Variants in RABGAP1L observed in about 807,000 individuals in gnomAD.
RABGAP1L encodes RAB GTPase activating protein 1 like.
In RABGAP1L, 63 loss-of-function variants were observed where a neutral mutation model predicts 137.7. The observed-to-expected ratio is 0.46, with a 90% CI of 0.37 to 0.56. The LOEUF is 0.56. Among genes scored for constraint, RABGAP1L ranks in the 20% least tolerant of loss-of-function variants. The pLI, the probability that RABGAP1L is intolerant of heterozygous loss-of-function variation, is 0.00. For synonymous variants in RABGAP1L, 431 were observed against 433.7 expected (o/e 0.99, Z 0.08); for missense variants, 1,095 against 1,244.0 (o/e 0.88, Z 1.80).
chr1:174,448,593 G>C lies in RABGAP1L; in HGVS notation c.1710+54448G>C, dbSNP rs1193748709. ...GTCACCCCTTGTCGCTTGAGAATTT[G>C]CATTATTTTGATCTGGATCTACTCC... On this transcript the variant is annotated intron_variant, in intron 13 of 25. Coordinates refer to ENST00000681986, the MANE Select transcript of RABGAP1L (RefSeq NM_001366446.1). The surrounding 1 kb of genome is among the most constrained non-coding windows in gnomAD (Gnocchi z 4.2). The C allele has an allele frequency of 6.2e-7, 1 of 1,613,908 alleles. No homozygotes were observed. The highest frequency in any genetic ancestry group is 8.5e-7 in the Non-Finnish European group (1 of 1,179,860).
intron 15 of RABGAP1L, among the ~76,000 whole-genome samples, chr1:174,692,518 T>TA (rs1489100108): frequency 6.6e-6 from 1 of 152,090 alleles, no homozygotes; most frequent in Non-Finnish European, 1.5e-5. Context: ...GTCTGAGTCA[T>TA]AAAAAGCATG....
At position 174,390,577 on chromosome 1, in the gene RABGAP1L, A is replaced by G. The variant is rs536513288; in HGVS notation, c.1560-3418A>G. On this transcript the variant is annotated intron_variant, in intron 12 of 25. Coordinates refer to ENST00000681986, the MANE Select transcript of RABGAP1L (RefSeq NM_001366446.1). ...TTTAATCAAGCTGCTTGTTACTTTC[A>G]TTCTGCCTACAATGTTGGAAATATG... Among the ~76,000 whole-genome samples, 3 of 152,314 alleles carry G rather than the reference A, an allele frequency of 2.0e-5. 1 individual carries two copies. The highest frequency in any genetic ancestry group is 7.2e-5 in the African/African-American group (3 of 41,568).
chr1:174,613,613 G>A (rs1671487709), intron 13 of RABGAP1L, among the ~76,000 whole-genome samples: 1 of 152,138 alleles, frequency 6.6e-6, no homozygotes, highest in Non-Finnish European at 1.5e-5. Context: ...GGATATCCTT[G>A]TTAACTTTCT....
chr1:174,471,251 A>G (rs533508463), intron 13 of RABGAP1L, among the ~76,000 whole-genome samples: 91 of 152,310 alleles, frequency 6.0e-4, no homozygotes, highest in Non-Finnish European at 1.1e-3. Flanking sequence ...CATTGGTGGT[A>G]TATTAGTTGT....
intron 13 of RABGAP1L, among the ~76,000 whole-genome samples, chr1:174,569,246 C>G (rs1006882146): frequency 6.6e-5 from 10 of 152,148 alleles, no homozygotes; most frequent in Non-Finnish European, 1.3e-4. Flanking sequence ...GCACCCCACC[C>G]AGCCCTCAAA....
At chr1:174,327,353 T>C (rs1320490517) in intron 11 of RABGAP1L, among the ~76,000 whole-genome samples, 4 of 152,024 alleles carry the variant, frequency 2.6e-5, no homozygotes, top group African/African-American at 9.7e-5. Context: ...TATAAAAAGA[T>C]GTAAATTATG....
intron 13 of RABGAP1L, among the ~76,000 whole-genome samples, chr1:174,614,188 G>T (rs1465877047): frequency 6.6e-6 from 1 of 150,636 alleles, no homozygotes; most frequent in Non-Finnish European, 1.5e-5. Flanking sequence ...TTTTGCAGTG[G>T]CTGGTACCGG....
chr1:174,354,013 G>C (rs1322721336), intron 11 of RABGAP1L, among the ~76,000 whole-genome samples: 1 of 152,146 alleles, frequency 6.6e-6, no homozygotes, highest in Admixed American at 6.5e-5. Flanking sequence ...TTGACTATCT[G>C]ATTTCATGTT....
chr1:174,980,240 C>T, intron 23 of RABGAP1L, among the ~76,000 whole-genome samples: 1 of 152,048 alleles, frequency 6.6e-6, no homozygotes, highest in Non-Finnish European at 1.5e-5. Context: ...CATAAGGAAT[C>T]CGCATATTCA....
chr1:174,843,084 C>T (rs190040158), intron 19 of RABGAP1L, among the ~76,000 whole-genome samples: 8 of 152,146 alleles, frequency 5.3e-5, no homozygotes, highest in East Asian at 1.9e-4. Flanking sequence ...AATAAATCCT[C>T]GATACTTCTT....
At chr1:174,665,537 C>T (rs1188988530) in intron 14 of RABGAP1L, among the ~76,000 whole-genome samples, 1 of 145,980 alleles carries the variant, frequency 6.9e-6, no homozygotes, top group Non-Finnish European at 1.5e-5. Context: ...CTCACCGTAA[C>T]CTCTGCCTCC....
chr1:174,389,117 A>G (rs893387597), intron 12 of RABGAP1L, among the ~76,000 whole-genome samples: 1 of 152,092 alleles, frequency 6.6e-6, no homozygotes, highest in Non-Finnish European at 1.5e-5. Flanking sequence ...CTGAATTAAT[A>G]TGCTTTTCAT....
chr1:174,380,289 G>A (rs1161556947), intron 12 of RABGAP1L, among the ~76,000 whole-genome samples: 1 of 152,182 alleles, frequency 6.6e-6, no homozygotes, highest in Non-Finnish European at 1.5e-5. Flanking sequence ...GTATCAGAAT[G>A]ATGCTGGCCT....
At chr1:174,485,840 A>G (rs1458510892) in intron 13 of RABGAP1L, among the ~76,000 whole-genome samples, 1 of 152,174 alleles carries the variant, frequency 6.6e-6, no homozygotes, top group Non-Finnish European at 1.5e-5. Context: ...TATAAGGGTA[A>G]TACTGGCCTT....
chr1:174,464,440 C>G (rs6677027), intron 13 of RABGAP1L, among the ~76,000 whole-genome samples: 1,533 of 152,272 alleles, frequency 0.01, 8 homozygotes, highest in Non-Finnish European at 0.013. Flanking sequence ...GGAGCATATA[C>G]TATGCTGCCT....
intron 13 of RABGAP1L, among the ~76,000 whole-genome samples, chr1:174,489,177 T>C (rs538922336): frequency 6.6e-6 from 1 of 151,686 alleles, no homozygotes; most frequent in Non-Finnish European, 1.5e-5. Flanking sequence ...AATAGACAAA[T>C]GGGATCTAAT....
At chr1:174,196,113 T>C (rs1157577302) in intron 1 of RABGAP1L, among the ~76,000 whole-genome samples, 2 of 152,094 alleles carry the variant, frequency 1.3e-5, no homozygotes, top group East Asian at 3.9e-4. Context: ...CCACCACGCC[T>C]GGGCTGTAGT....
chr1:174,380,526 T>C (rs1180545648), intron 12 of RABGAP1L, among the ~76,000 whole-genome samples: 1 of 152,072 alleles, frequency 6.6e-6, no homozygotes, highest in Non-Finnish European at 1.5e-5. Flanking sequence ...GGAGAGTGTA[T>C]GTGTCAAGGA....
At chr1:174,807,987 T>TC (rs1184143718) in intron 18 of RABGAP1L, among the ~76,000 whole-genome samples, 1 of 150,702 alleles carries the variant, frequency 6.6e-6, no homozygotes, top group East Asian at 1.9e-4. Flanking sequence ...TCTTTTTTTT[T>TC]TTTTTTTTTG....
Sources: allele counts gnomAD v4.1 joint callset (sites outside exome capture counted in the v4.1 genomes callset), GRCh38; gene constraint gnomAD v4.1.1; non-coding constraint Gnocchi (gnomAD v3.1); transcripts MANE v1.5; gene names NCBI Gene and HGNC (gene_info 2026-07-23, HGNC 2026-07-21).